Variants in SIM2 observed in about 807,000 individuals in gnomAD.
SIM2 encodes the protein SIM bHLH transcription factor 2, also known as single-minded homolog 2.
Under a neutral mutation model 64.8 loss-of-function variants are expected in SIM2, and 28 were observed. The observed-to-expected ratio is 0.43, with a 90% CI of 0.32 to 0.59. SIM2 has a LOEUF of 0.59. Ranked by LOEUF, SIM2 falls within the 20% of genes least tolerant of loss-of-function variation. SIM2 has a pLI of 0.07. For missense variants in SIM2, 847 were observed against 871.4 expected, an observed-to-expected ratio of 0.97 and a Z score of 0.35; for synonymous variants, 408 against 391.1, an observed-to-expected ratio of 1.04 and a Z score of -0.51.
intron 2 of SIM2, chr21:36,709,890 G>C (rs1042602501): frequency 1.8e-5 from 3 of 170,012 alleles, no homozygotes; most frequent in Non-Finnish European, 3.8e-5. Flanking sequence ...GTGCAATGGC[G>C]CGATCTCGGC....
intron 1 of SIM2, among the ~76,000 whole-genome samples, chr21:36,707,305 G>A (rs1275294587): frequency 1.3e-5 from 2 of 152,226 alleles, no homozygotes; most frequent in African/African-American, 4.8e-5. Flanking sequence ...AGTTGTAAAT[G>A]CTGCCGCCAC....
chr21:36,728,500 C>T (rs1208279490), intron 6 of SIM2, among the ~76,000 whole-genome samples: 3 of 152,222 alleles, frequency 2.0e-5, no homozygotes, highest in Admixed American at 2.0e-4. Flanking sequence ...GGCTGCACCC[C>T]TGGAGTGAAC....
intron 3 of SIM2, among the ~76,000 whole-genome samples, chr21:36,719,319 C>G (rs528862109): frequency 6.6e-6 from 1 of 152,272 alleles, no homozygotes; most frequent in South Asian, 2.1e-4. Context: ...CCTCCTCGGG[C>G]GCAGTGGCGC....
intron 4 of SIM2, among the ~76,000 whole-genome samples, chr21:36,722,787 G>A (rs543196234): frequency 6.6e-6 from 1 of 152,302 alleles, no homozygotes; most frequent in South Asian, 2.1e-4. Flanking sequence ...GCTCTGCAGG[G>A]CCCATCAGGG....
Position 36,747,974 on chromosome 21 carries a change from C to A in SIM2, c.1886C>A (p.Pro629His). Residue 629 changes from proline (P) to histidine (H), a missense_variant, in exon 11 of 11, where the codon CCC becomes CAC. Transcript: ENST00000290399. The surrounding 1 kb of genome is among the most constrained non-coding windows in gnomAD (Gnocchi z 4.5). Reference sequence around the variant, plus strand: ...GGCCTGGCCTGCGCTCCCGGCGGCCCCGAGGCGGCGACCGGCGCGCTGCGG... The same window carrying A: ...GGCCTGGCCTGCGCTCCCGGCGGCCACGAGGCGGCGACCGGCGCGCTGCGG... ...ASGLACAPGGPEAATGALRLR... is the reference protein window; with the variant it reads ...ASGLACAPGGHEAATGALRLR... The A allele has an allele frequency of 2.0e-6, 2 of 1,024,882 alleles. No individual in the cohort carries two copies. The highest frequency in any genetic ancestry group is 2.3e-6 in the Non-Finnish European group (2 of 857,890). 63.5% of individuals were successfully genotyped at this position (1,024,882 alleles called of 1,614,324 possible).
Position 36,748,041 on chromosome 21 carries a change from GC to G in SIM2, c.1957del (p.Leu653CysfsTer53). ...SPAATSPPGA[P>X]LPHYLGASVI... is the part of the protein sequence containing the mutation. Reference sequence around the variant, plus strand: ...CCGCCGCCACCTCCCCGCCCGGCGCGCCCCTGCCGCACTACCTGGGCGCCTC... The same window carrying G: ...CCGCCGCCACCTCCCCGCCCGGCGCGCCCTGCCGCACTACCTGGGCGCCTC... On this transcript the variant is annotated frameshift_variant, in exon 11 of 11. Transcript: ENST00000290399. LOFTEE classifies it high-confidence loss of function. 6 of 1,196,606 alleles carry G rather than the reference GC, an allele frequency of 5.0e-6. No individual in the cohort carries two copies. Among genetic ancestry groups the G allele is most frequent in the Non-Finnish European group, 6.2e-6 (6 of 965,966 alleles). The allele number at this position is 1,196,606 out of a possible 1,614,324, so 74.1% of individuals were successfully genotyped here. A position where few individuals can be genotyped will look rare whatever the true frequency, so the allele number is the denominator to read the frequency against.
chr21:36,711,066 A>G (rs911155255), intron 2 of SIM2, among the ~76,000 whole-genome samples: 3 of 152,212 alleles, frequency 2.0e-5, no homozygotes, highest in Non-Finnish European at 4.4e-5. Flanking sequence ...CTTTGCAGTT[A>G]TTATACACGT....
intron 1 of SIM2, among the ~76,000 whole-genome samples, chr21:36,702,106 T>G (rs775110958): frequency 6.6e-6 from 1 of 152,226 alleles, no homozygotes; most frequent in Non-Finnish European, 1.5e-5. Context: ...TCAGCCACCT[T>G]TAAACCGGCT....
intron 5 of SIM2, among the ~76,000 whole-genome samples, chr21:36,723,734 G>T (rs887128113): frequency 1.3e-5 from 2 of 152,208 alleles, no homozygotes; most frequent in African/African-American, 4.8e-5. Flanking sequence ...GGGACTCTGA[G>T]CCCAGCCCAT....
chr21:36,736,212 G>A (rs2089045400), intron 7 of SIM2, among the ~76,000 whole-genome samples: 1 of 152,150 alleles, frequency 6.6e-6, no homozygotes, highest in African/African-American at 2.4e-5. Context: ...ATCTGTCGTG[G>A]GCAGTGGGTG....
In SIM2 at chr21:36,726,362, C is replaced by T. The variant is rs1265826804; in HGVS notation, c.743+44C>T. 1 of 1,557,972 alleles carries T rather than the reference C, an allele frequency of 6.4e-7. No homozygotes were observed. The highest frequency in any genetic ancestry group is 8.8e-7 in the Non-Finnish European group (1 of 1,140,962). On this transcript the variant is annotated intron_variant, in intron 6 of 10. Transcript: ENST00000290399. The surrounding 1 kb of genome is among the most constrained non-coding windows in gnomAD (Gnocchi z 4.5). ...ACAGTGGCTGTGGCCTTCTGGAAGA[C>T]ACCGGTGGTGGAAATGGGTCCCTGA... is the stretch of plus-strand genomic sequence containing the variant.
intron 2 of SIM2, chr21:36,710,042 C>G (rs2088653099): frequency 6.4e-6 from 1 of 155,918 alleles, no homozygotes; most frequent in African/African-American, 2.4e-5. Flanking sequence ...GATCTCCTGA[C>G]CTCCGATGAT....
At chr21:36,728,292 C>T (rs1200441808) in intron 6 of SIM2, among the ~76,000 whole-genome samples, 1 of 152,216 alleles carries the variant, frequency 6.6e-6, no homozygotes, top group East Asian at 1.9e-4. Context: ...TAGGAAACCC[C>T]TGAGACTGAT....
chr21:36,742,905 T>C (rs1396725055), intron 8 of SIM2, among the ~76,000 whole-genome samples: 1 of 152,010 alleles, frequency 6.6e-6, no homozygotes, highest in African/African-American at 2.4e-5. Flanking sequence ...CCCTGCTGAG[T>C]TGGTTCTTTA....
Position 36,730,977 on chromosome 21 carries a change from C to A in SIM2, c.744-68C>A, listed in dbSNP as rs1007234724. Reference sequence around the variant, plus strand: ...TTAGCACTTGATTAGTTGGCAAAACCAATATTAGTTTAAATGAAAGGCAGT... The same window carrying A: ...TTAGCACTTGATTAGTTGGCAAAACAAATATTAGTTTAAATGAAAGGCAGT... On this transcript the variant is annotated intron_variant, in intron 6 of 10. Coordinates refer to ENST00000290399, the MANE Select transcript of SIM2 (RefSeq NM_005069.6). 6 of 1,152,544 alleles carry A rather than the reference C, an allele frequency of 5.2e-6. No individual in the cohort carries two copies. The East Asian group carries it at 1.2e-4, about 23-fold the overall frequency. The allele number at this position is 1,152,544 out of a possible 1,614,324, so 71.4% of individuals were successfully genotyped here.
chr21:36,733,102 G>C (rs2088992784), intron 7 of SIM2, among the ~76,000 whole-genome samples: 1 of 152,228 alleles, frequency 6.6e-6, no homozygotes, highest in Non-Finnish European at 1.5e-5. Flanking sequence ...ATGGAGGCAG[G>C]AGAATGCTGG....
chr21:36,723,002 C>T (rs752151854), intron 4 of SIM2, 43 bp from the exon 5 acceptor site: 4 of 1,489,390 alleles, frequency 2.7e-6, no homozygotes, highest in Admixed American at 3.3e-5. Context: ...ATGGGGGAAG[C>T]ACGGAGGGAC....
At chr21:36,721,264 A>G (rs927529806) in intron 4 of SIM2, among the ~76,000 whole-genome samples, 1 of 152,158 alleles carries the variant, frequency 6.6e-6, no homozygotes, top group African/African-American at 2.4e-5. Context: ...ATCAACATGA[A>G]TCATGGCTCT....
chr21:36,744,653 C>T (rs886852510), intron 9 of SIM2, 75 bp from the exon 10 acceptor site: 46 of 1,485,638 alleles, frequency 3.1e-5, no homozygotes, highest in Admixed American at 2.4e-4. Context: ...CCCGTCGGGA[C>T]GGTTCTTGCA....
Sources: gnomAD v4.1 joint callset for allele counts (sites outside exome capture counted in the v4.1 genomes callset) on GRCh38, gnomAD v4.1.1 for gene constraint, Gnocchi (gnomAD v3.1) non-coding constraint, MANE v1.5 for transcripts, NCBI Gene and HGNC (gene_info 2026-07-23, HGNC 2026-07-21) for gene names.